The following LYG1 variants were observed in gnomAD, a reference collection of about 807,000 sequenced individuals.
LYG1 encodes the protein lysozyme g-like protein 1.
Under a neutral mutation model 21.7 loss-of-function variants are expected in LYG1, and 17 were observed. The observed-to-expected ratio is 0.78, with a 90% CI of 0.54 to 1.18. The LOEUF is 1.18. Ranked by LOEUF, LYG1 falls within the 50% of genes most tolerant of loss-of-function variation. LYG1 has a pLI of 0.00. For synonymous variants in LYG1, 81 were observed against 87.4 expected, an observed-to-expected ratio of 0.93 and a Z score of 0.41; for missense variants, 211 against 238.1, an observed-to-expected ratio of 0.89 and a Z score of 0.75.
chr2:99,291,091 C>A, intron 5 of LYG1, 146 bp downstream of exon 5: 1 of 665,626 alleles, frequency 1.5e-6, no homozygotes. Flanking sequence ...TGTTGCTGCT[C>A]ATATCTCTCA....
chr2:99,297,664 A>C (rs1306431341), intron 2 of LYG1, among the ~76,000 whole-genome samples: 8 of 152,200 alleles, frequency 5.3e-5, no homozygotes, highest in African/African-American at 1.9e-4. Context: ...CCAGGTCATC[A>C]AGGTAAAGTT....
intron 5 of LYG1, among the ~76,000 whole-genome samples, chr2:99,285,976 G>A (rs955361143): frequency 6.6e-6 from 1 of 152,130 alleles, no homozygotes; most frequent in Non-Finnish European, 1.5e-5. Context: ...TTGAGAGGTG[G>A]GGCTTTTAAG....
intron 5 of LYG1, among the ~76,000 whole-genome samples, chr2:99,289,441 G>A (rs1442960028): frequency 7.9e-6 from 1 of 127,228 alleles, no homozygotes; most frequent in African/African-American, 2.9e-5. Flanking sequence ...GGGTGACAGA[G>A]CCAGACCCTG....
chr2:99,295,816 T>C, intron 2 of LYG1, 114 bp from the exon 3 acceptor site: 1 of 992,038 alleles, frequency 1.0e-6, no homozygotes, highest in Non-Finnish European at 1.5e-6. Context: ...ATATCTGACC[T>C]AAGAAAATGA....
chr2:99,296,595 A>C (rs181444440), intron 2 of LYG1, among the ~76,000 whole-genome samples: 1 of 152,232 alleles, frequency 6.6e-6, no homozygotes, highest in East Asian at 1.9e-4. Flanking sequence ...GGAATGGTAG[A>C]GTTTCTGGAC....
chr2:99,301,981 T>G (rs13019192), upstream of LYG1, among the ~76,000 whole-genome samples: 56,284 of 151,996 alleles, frequency 0.37, 11,176 homozygotes, highest in East Asian at 0.63. Context: ...GTGCATTTCA[T>G]GACTGAAAGA....
chr2:99,288,288 T>G (rs1473986663), intron 5 of LYG1, among the ~76,000 whole-genome samples: 1 of 152,130 alleles, frequency 6.6e-6, no homozygotes, highest in Non-Finnish European at 1.5e-5. Context: ...GTTATCAACA[T>G]TATTTTGATT....
rs114237046 is a variant in LYG1 at position 99,295,118 on chromosome 2, A to T, written c.43+510T>A. Among the ~76,000 whole-genome samples, 268 of 152,242 alleles carry T rather than the reference A, an allele frequency of 1.8e-3. 2 individuals are homozygous for T. The highest frequency in any genetic ancestry group is 6.3e-3 in the African/African-American group (260 of 41,552). On this transcript the variant is annotated intron_variant, in intron 3 of 6. Transcript: ENST00000308528. ...TTCCATCTCAAAAAAAACAAAAACA[A>T]AAGCAAACCAACAAAAACAAGTACT...
In LYG1 at chr2:99,287,904, T is replaced by C. The variant is rs79314565; in HGVS notation, c.334-3084A>G. 5.6e-3 allele frequency among the ~76,000 whole-genome samples: 859 copies of C among 152,278 alleles called. 10 individuals carry two copies. Among genetic ancestry groups the C allele is most frequent in the African/African-American group, 0.02 (815 of 41,568 alleles). On this transcript the variant is annotated intron_variant, in intron 5 of 6. Transcript: ENST00000308528. ...AATTGTGTATATCCTAATGGATACG[T>C]AAATAATTACATCCCCCTCATTTTT...
chr2:99,298,304 T>C (rs1043492169), intron 2 of LYG1, among the ~76,000 whole-genome samples, 155 bp downstream of exon 2: 2 of 152,134 alleles, frequency 1.3e-5, no homozygotes, highest in African/African-American at 4.8e-5. Flanking sequence ...CTCTTCTCCC[T>C]TCCCAGAGAG....
chr2:99,303,583 T>C (rs1316667289), upstream of LYG1, among the ~76,000 whole-genome samples: 1 of 152,196 alleles, frequency 6.6e-6, no homozygotes, highest in African/African-American at 2.4e-5. Flanking sequence ...CGCAGGCACA[T>C]GACGGTCAGA....
chr2:99,299,958 G>C lies in LYG1; in HGVS notation c.-124+1092C>G, dbSNP rs1212333030. On this transcript the variant is annotated intron_variant, in intron 1 of 6. Transcript: ENST00000308528. ...CACACGTACACACACACACATGCAC[G>C]TACAGCAACACTCCAGCCCATTGCC... Among the ~76,000 whole-genome samples, 8 of 151,522 alleles carry C rather than the reference G, an allele frequency of 5.3e-5. No homozygotes were observed. The East Asian group carries it at 1.2e-3, about 22-fold the overall frequency.
intron 1 of LYG1, among the ~76,000 whole-genome samples, chr2:99,300,153 G>A (rs1346374473): frequency 1.3e-5 from 2 of 151,956 alleles, no homozygotes; most frequent in African/African-American, 4.8e-5. Context: ...CTCATTTTAA[G>A]CTGTTACGCT....
At chr2:99,304,388 C>T (rs1279232601), upstream of LYG1, among the ~76,000 whole-genome samples, 1 of 152,216 alleles carries the variant, frequency 6.6e-6, no homozygotes, top group Non-Finnish European at 1.5e-5. Flanking sequence ...ATTGTGAGGC[C>T]TCCCCAGACA....
chr2:99,298,678 G>C (rs1489366813), intron 1 of LYG1, 129 bp from the exon 2 acceptor site: 1 of 152,248 alleles, frequency 6.6e-6, no homozygotes, highest in South Asian at 2.1e-4. Flanking sequence ...ATCCAGCCCA[G>C]AAATGTGACG....
At chr2:99,300,217 G>T (rs1034190638) in intron 1 of LYG1, among the ~76,000 whole-genome samples, 6 of 152,030 alleles carry the variant, frequency 3.9e-5, no homozygotes, top group African/African-American at 1.5e-4. Flanking sequence ...ACTGAATTTG[G>T]ATTGTAATCA....
At chr2:99,299,248 T>C (rs1393607005) in intron 1 of LYG1, among the ~76,000 whole-genome samples, 7 of 150,828 alleles carry the variant, frequency 4.6e-5, no homozygotes, top group Non-Finnish European at 8.9e-5. Flanking sequence ...TTCTTTTTCT[T>C]TTCTTTTTGT....
intron 4 of LYG1, 76 bp from the exon 5 acceptor site, chr2:99,291,497 G>C: frequency 1.5e-4 from 211 of 1,437,348 alleles, no homozygotes; most frequent in Non-Finnish European, 2.0e-4. Context: ...GAGAGAGAAA[G>C]AACAATCCAA....
chr2:99,285,463 T>G (rs996110127), intron 5 of LYG1, among the ~76,000 whole-genome samples: 3 of 151,548 alleles, frequency 2.0e-5, no homozygotes, highest in African/African-American at 7.3e-5. Context: ...CAGAAACCCA[T>G]GATTAGTGTC....
Sources: allele counts gnomAD v4.1 joint callset (sites outside exome capture counted in the v4.1 genomes callset), GRCh38; gene constraint gnomAD v4.1.1; transcripts MANE v1.5; gene names NCBI Gene and HGNC (gene_info 2026-07-23, HGNC 2026-07-21).